The following MAML2 variants were observed in gnomAD, a reference collection of about 807,000 sequenced individuals.
The protein encoded by MAML2 is mastermind like transcriptional coactivator 2.
A neutral mutation model predicts 96.1 loss-of-function variants in MAML2; 22 were observed. The ratio of observed to expected loss-of-function variants is 0.23; its 90% CI spans 0.16 to 0.33. The LOEUF (loss-of-function observed/expected upper bound fraction) is 0.33, where lower values mean the gene tolerates loss of function less well. Ranked by LOEUF, MAML2 falls within the 10% of genes least tolerant of loss-of-function variation. The pLI is 1.00. For missense variants in MAML2, 1,367 were observed against 1,392.4 expected, an observed-to-expected ratio of 0.98 and a Z score of 0.29; for synonymous variants, 561 against 521.3, an observed-to-expected ratio of 1.08 and a Z score of -1.04.
chr11:96,289,000 C>T (rs190647200), intron 1 of MAML2, among the ~76,000 whole-genome samples: 84 of 152,182 alleles, frequency 5.5e-4, no homozygotes, highest in African/African-American at 2.0e-3. Context: ...AGACAGAAAA[C>T]CGTCATGGGG....
rs1861892748 is a variant in MAML2, at chr11:96,206,115, T to G, written c.514-112598A>C. ...ATTGAGAAGGTTAAGCAATAGAAGT[T>G]TTTATGTGTTATCTAGAAATAATTC... On this transcript the variant is annotated intron_variant, in intron 1 of 4. Coordinates refer to ENST00000524717, the MANE Select transcript of MAML2 (RefSeq NM_032427.4). Among the ~76,000 whole-genome samples the G allele has an allele frequency of 2.0e-5, 3 of 152,168 alleles. No homozygotes were observed. In the South Asian group the frequency reaches 6.2e-4, roughly 32 times the overall value.
chr11:96,214,178 T>G (rs563920896), intron 1 of MAML2, among the ~76,000 whole-genome samples: 112 of 152,352 alleles, frequency 7.4e-4, no homozygotes, highest in Admixed American at 1.6e-3. Context: ...GTTTTAACAG[T>G]TGAATAATAA....
intron 1 of MAML2, among the ~76,000 whole-genome samples, chr11:96,269,718 C>T (rs1046382347): frequency 7.0e-6 from 1 of 143,732 alleles, no homozygotes; most frequent in South Asian, 2.2e-4. Context: ...ACCATGTTGG[C>T]CAGGCTGACC....
intron 1 of MAML2, among the ~76,000 whole-genome samples, chr11:96,137,543 C>T (rs1860654690): frequency 6.6e-6 from 1 of 152,194 alleles, no homozygotes; most frequent in African/African-American, 2.4e-5. Flanking sequence ...AAAGAGTTTC[C>T]TCACATGATC....
At chr11:96,331,922 C>T (rs994525609) in intron 1 of MAML2, among the ~76,000 whole-genome samples, 9 of 152,010 alleles carry the variant, frequency 5.9e-5, no homozygotes, top group African/African-American at 2.2e-4. Flanking sequence ...GAATAGTGTC[C>T]TATTTTTAGA....
chr11:96,281,492 G>A (rs1863064759), intron 1 of MAML2, among the ~76,000 whole-genome samples: 1 of 152,158 alleles, frequency 6.6e-6, no homozygotes, highest in East Asian at 1.9e-4. Flanking sequence ...AATCCCTGGG[G>A]TCTGGGCAGG....
intron 3 of MAML2, among the ~76,000 whole-genome samples, chr11:95,987,456 C>T (rs1365357053): frequency 6.6e-6 from 1 of 151,960 alleles, no homozygotes; most frequent in African/African-American, 2.4e-5. Context: ...TGTATGCATC[C>T]CAAAGCAATC....
At chr11:96,113,738 T>C (rs1406281571) in intron 1 of MAML2, among the ~76,000 whole-genome samples, 1 of 152,128 alleles carries the variant, frequency 6.6e-6, no homozygotes, top group African/African-American at 2.4e-5. Context: ...CTAGGGAACA[T>C]AGACTACTCT....
Position 96,341,852 on chromosome 11 carries a change from C to G in MAML2, c.44G>C (p.Gly15Ala), listed in dbSNP as rs760671780. The change falls in exon 1 of 5, where the codon GGG (glycine) becomes GCG (alanine). Residue 15 changes from glycine (G) to alanine (A), a missense_variant. Gly to Ala is a moderately conservative substitution (Grantham distance 60). Coordinates refer to ENST00000524717, the MANE Select transcript of MAML2 (RefSeq NM_032427.4). ...AAGGAGCCCCGCCCCAGAGGCCCCCCCTAGCCCTCCTGCGGGGGCCTGCGG... is the reference window on the plus strand; with the variant it reads ...AAGGAGCCCCGCCCCAGAGGCCCCCGCTAGCCCTCCTGCGGGGGCCTGCGG... Reference protein sequence around the residue: ...APPQAPAGGLGGASGAGLLGG... With the variant: ...APPQAPAGGLAGASGAGLLGG... 6.4e-7 allele frequency: 1 copy of G among 1,557,996 alleles called. No homozygotes were observed. Among genetic ancestry groups the G allele is most frequent in the Admixed American group, 1.9e-5 (1 of 53,060 alleles).
At chr11:96,223,661 A>C (rs1862172680) in intron 1 of MAML2, among the ~76,000 whole-genome samples, 1 of 151,940 alleles carries the variant, frequency 6.6e-6, no homozygotes, top group Non-Finnish European at 1.5e-5. Flanking sequence ...AGATAATTTC[A>C]TCACCCCAGT....
chr11:96,027,211 TATTCATTCATTC>T lies in MAML2; in HGVS notation c.2140-35500_2140-35489del, dbSNP rs144573253. 2.6e-5 allele frequency among the ~76,000 whole-genome samples: 4 copies of T among 151,816 alleles called. No homozygotes were observed. In the East Asian group the frequency reaches 7.7e-4, roughly 29 times the overall value. On this transcript the variant is annotated intron_variant, in intron 2 of 4. Transcript: ENST00000524717. Reference sequence around the variant, plus strand: ...ACATTTTGTCACTCATGCATTCATTTATTCATTCATTCATTCATTCATTCACCCATTCAGCAA... The same window carrying T: ...ACATTTTGTCACTCATGCATTCATTTATTCATTCATTCACCCATTCAGCAA...
intron 1 of MAML2, among the ~76,000 whole-genome samples, chr11:96,112,562 C>T (rs1256139092): frequency 3.3e-5 from 5 of 152,208 alleles, no homozygotes; most frequent in South Asian, 2.1e-4. Flanking sequence ...TTTCAGTCTA[C>T]GAAGTACTAA....
chr11:96,007,583 G>T (rs1487958246), intron 2 of MAML2, among the ~76,000 whole-genome samples: 2 of 151,882 alleles, frequency 1.3e-5, no homozygotes, highest in African/African-American at 2.4e-5. Context: ...TTAAGAATAT[G>T]AACTGTTTTA....
intron 2 of MAML2, among the ~76,000 whole-genome samples, chr11:96,070,553 C>G (rs1236292400): frequency 6.6e-6 from 1 of 152,368 alleles, no homozygotes; most frequent in South Asian, 2.1e-4. Context: ...GGTCCAGCTG[C>G]AGCCTTGCAG....
chr11:96,039,632 G>T (rs1354209383), intron 2 of MAML2, among the ~76,000 whole-genome samples: 4 of 152,144 alleles, frequency 2.6e-5, no homozygotes, highest in Admixed American at 2.0e-4. Flanking sequence ...CCTTGAAAAA[G>T]TAACCTTTAG....
chr11:96,118,641 G>A (rs74614175), intron 1 of MAML2, among the ~76,000 whole-genome samples: 3,865 of 152,194 alleles, frequency 0.025, 91 homozygotes, highest in Non-Finnish European at 0.03. Context: ...ACATGAAAAG[G>A]GCTAACAGAA....
chr11:96,182,860 A>T (rs1344045480), intron 1 of MAML2, among the ~76,000 whole-genome samples: 2 of 152,124 alleles, frequency 1.3e-5, no homozygotes, highest in African/African-American at 2.4e-5. Flanking sequence ...CCACTAGAGG[A>T]ACAGAGTTTT....
At chr11:96,282,087 A>G (rs959178687) in intron 1 of MAML2, among the ~76,000 whole-genome samples, 1 of 151,854 alleles carries the variant, frequency 6.6e-6, no homozygotes, top group Non-Finnish European at 1.5e-5. Flanking sequence ...ATCTCTACTA[A>G]AAATACAAAA....
chr11:96,036,684 G>A (rs1273697247), intron 2 of MAML2, among the ~76,000 whole-genome samples: 2 of 152,124 alleles, frequency 1.3e-5, no homozygotes, highest in African/African-American at 4.8e-5. Context: ...TTTAAATTTA[G>A]AGATTTAACC....
Sources: gnomAD v4.1 joint callset for allele counts (sites outside exome capture counted in the v4.1 genomes callset) on GRCh38, gnomAD v4.1.1 for gene constraint, MANE v1.5 for transcripts, NCBI Gene and HGNC (gene_info 2026-07-23, HGNC 2026-07-21) for gene names.